The following MYO5B variants were observed in gnomAD, a reference collection of about 807,000 sequenced individuals.
MYO5B encodes the protein myosin VB.
Under a neutral mutation model 229.3 loss-of-function variants are expected in MYO5B, and 143 were observed. That is an observed-to-expected ratio of 0.62 (90% CI 0.54 to 0.72). MYO5B has a LOEUF of 0.72. Among genes scored for constraint, MYO5B ranks in the 30% least tolerant of loss-of-function variants. The pLI is 0.00. For synonymous variants in MYO5B, 918 were observed against 885.2 expected, an observed-to-expected ratio of 1.04 and a Z score of -0.66; for missense variants, 2,321 against 2,331.0, an observed-to-expected ratio of 1.00 and a Z score of 0.09.
chr18:50,194,931 C>T lies in MYO5B; in HGVS notation c.-138G>A. 1.7e-6 allele frequency: 2 copies of T among 1,173,428 alleles called. No individual in the cohort carries two copies. The highest frequency in any genetic ancestry group is 2.1e-6 in the Non-Finnish European group (2 of 942,686). The allele number at this position is 1,173,428 out of a possible 1,614,324, so 72.7% of individuals were successfully genotyped here. ...TCTCGCTCTTCTCCGACCTGCCCCGCCGGCTTCCCGCAGGCGCCGCGGCCG... is the reference window on the plus strand; with the variant it reads ...TCTCGCTCTTCTCCGACCTGCCCCGTCGGCTTCCCGCAGGCGCCGCGGCCG... On this transcript the variant is annotated 5_prime_UTR_variant, in exon 1 of 40. Coordinates refer to ENST00000285039, the MANE Select transcript of MYO5B (RefSeq NM_001080467.3).
At chr18:49,947,394 C>T (rs2025386745) in intron 14 of MYO5B, among the ~76,000 whole-genome samples, 1 of 152,148 alleles carries the variant, frequency 6.6e-6, no homozygotes, top group Non-Finnish European at 1.5e-5. Context: ...CGTGAGCCAC[C>T]GCACCCAGCC....
chr18:49,949,851 T>C (rs1409468819), intron 14 of MYO5B, among the ~76,000 whole-genome samples: 1 of 152,304 alleles, frequency 6.6e-6, no homozygotes, highest in Middle Eastern at 3.4e-3. Flanking sequence ...GTTAGAAACA[T>C]ATGCCTCATA....
chr18:50,151,845 A>G (rs532058715), intron 1 of MYO5B, among the ~76,000 whole-genome samples: 1 of 152,102 alleles, frequency 6.6e-6, no homozygotes, highest in East Asian at 1.9e-4. Flanking sequence ...GATCTTACCC[A>G]TTTCTTTGGG....
intron 1 of MYO5B, among the ~76,000 whole-genome samples, chr18:50,191,475 A>C (rs929558264): frequency 6.6e-6 from 1 of 152,206 alleles, no homozygotes; most frequent in African/African-American, 2.4e-5. Context: ...TAACCTGAGA[A>C]AAAGTACACT....
intron 9 of MYO5B, among the ~76,000 whole-genome samples, chr18:49,976,877 C>G (rs528318539): frequency 6.6e-6 from 1 of 152,288 alleles, no homozygotes; most frequent in South Asian, 2.1e-4. Flanking sequence ...GACCGCTTGG[C>G]AGGCAACAAG....
At chr18:50,126,191 T>TA (rs1651481738) in intron 1 of MYO5B, among the ~76,000 whole-genome samples, 1 of 152,202 alleles carries the variant, frequency 6.6e-6, no homozygotes, top group African/African-American at 2.4e-5. Context: ...GTTTAAAAGT[T>TA]AAAAAACAGT....
At chr18:50,139,853 T>A (rs1454632590) in intron 1 of MYO5B, among the ~76,000 whole-genome samples, 1 of 152,208 alleles carries the variant, frequency 6.6e-6, no homozygotes, top group African/African-American at 2.4e-5. Flanking sequence ...CAAATACTTT[T>A]GCACCAACCT....
Position 50,168,600 on chromosome 18 carries a change from G to GGT in MYO5B, c.27+26165_27+26166dup, listed in dbSNP as rs2032886650. 1.5e-5 allele frequency among the ~76,000 whole-genome samples: 2 copies of GGT among 129,862 alleles called. 1 individual carries two copies. Among genetic ancestry groups the GGT allele is most frequent in the African/African-American group, 5.8e-5 (2 of 34,636 alleles). The allele number at this position is 129,862 out of a possible 152,430, so 85.2% of individuals were successfully genotyped here. On this transcript the variant is annotated intron_variant, in intron 1 of 39. Coordinates refer to ENST00000285039, the MANE Select transcript of MYO5B (RefSeq NM_001080467.3). ...CAGATGTGCTCCAGACAGAGGGGAG[G>GGT]GTCTCCAGGACCCTCCCCACTAGAC...
chr18:49,934,317 A>T (rs1488716577), intron 16 of MYO5B, among the ~76,000 whole-genome samples: 1 of 152,238 alleles, frequency 6.6e-6, no homozygotes, highest in Non-Finnish European at 1.5e-5. Flanking sequence ...GTGAGCTCAA[A>T]CTAGAATCCC....
At chr18:50,088,171 G>A (rs1475439879) in intron 1 of MYO5B, among the ~76,000 whole-genome samples, 2 of 152,170 alleles carry the variant, frequency 1.3e-5, no homozygotes, top group African/African-American at 4.8e-5. Context: ...CCAAAGGAGG[G>A]TAGAAGGAAA....
At chr18:50,111,604 T>C (rs532141043) in intron 1 of MYO5B, among the ~76,000 whole-genome samples, 1 of 152,358 alleles carries the variant, frequency 6.6e-6, no homozygotes, top group South Asian at 2.1e-4. Context: ...GGGTCAGTCA[T>C]GAACTGAGAT....
chr18:50,012,785 G>T (rs2026176437), intron 4 of MYO5B, among the ~76,000 whole-genome samples: 1 of 152,336 alleles, frequency 6.6e-6, no homozygotes, highest in South Asian at 2.1e-4. Context: ...ATGGTTTGTT[G>T]AAAGCCATGC....
At chr18:49,934,990 C>T (rs2025233689) in intron 16 of MYO5B, among the ~76,000 whole-genome samples, 1 of 152,138 alleles carries the variant, frequency 6.6e-6, no homozygotes. Flanking sequence ...AAATACACCT[C>T]CTCTGGCCAG....
chr18:50,158,962 A>T (rs2144316234), intron 1 of MYO5B, among the ~76,000 whole-genome samples: 1 of 152,338 alleles, frequency 6.6e-6, no homozygotes, highest in South Asian at 2.1e-4. Context: ...CGTTATCATT[A>T]TTAATGGACA....
chr18:50,123,982 T>C (rs2032113843), intron 1 of MYO5B, among the ~76,000 whole-genome samples: 1 of 152,216 alleles, frequency 6.6e-6, no homozygotes, highest in South Asian at 2.1e-4. Context: ...AGTGAGTCTT[T>C]TGAGTGACTG....
intron 36 of MYO5B, 103 bp from the exon 37 acceptor site, chr18:49,837,905 T>A: frequency 7.0e-7 from 1 of 1,432,660 alleles, no homozygotes; most frequent in African/African-American, 1.4e-5. Context: ...AATGATACCA[T>A]CCAGAGGTGT....
chr18:49,921,593 A>T (rs2025076277), intron 17 of MYO5B, among the ~76,000 whole-genome samples: 1 of 152,228 alleles, frequency 6.6e-6, no homozygotes, highest in Admixed American at 6.5e-5. Flanking sequence ...GGAGGATAAA[A>T]ATAGACCGGT....
chr18:50,186,775 T>C (rs569418825), intron 1 of MYO5B, among the ~76,000 whole-genome samples: 1 of 152,278 alleles, frequency 6.6e-6, no homozygotes, highest in African/African-American at 2.4e-5. Flanking sequence ...ACCACCCCAA[T>C]TCTTCAGATA....
intron 1 of MYO5B, among the ~76,000 whole-genome samples, chr18:50,067,421 C>G (rs1434985306): frequency 6.6e-6 from 1 of 152,192 alleles, no homozygotes; most frequent in Admixed American, 6.5e-5. Flanking sequence ...CGGTGCTGCC[C>G]TCAGAAGCTG....
Sources: allele counts gnomAD v4.1 joint callset (sites outside exome capture counted in the v4.1 genomes callset), GRCh38; gene constraint gnomAD v4.1.1; transcripts MANE v1.5; gene names NCBI Gene and HGNC (gene_info 2026-07-23, HGNC 2026-07-21).